The following GABRG3 variants were observed in gnomAD, a reference collection of about 807,000 sequenced individuals.
GABRG3 encodes gamma-aminobutyric acid receptor subunit gamma-3.
Under a neutral mutation model 48.8 loss-of-function variants are expected in GABRG3, and 25 were observed. The ratio of observed to expected loss-of-function variants is 0.51; its 90% CI spans 0.37 to 0.72. GABRG3 has a LOEUF of 0.72. Among genes scored for constraint, GABRG3 ranks in the 30% least tolerant of loss-of-function variants. GABRG3 has a pLI of 0.00. For synonymous variants in GABRG3, 227 were observed against 217.6 expected, an observed-to-expected ratio of 1.04 and a Z score of -0.38; for missense variants, 394 against 577.9, an observed-to-expected ratio of 0.68 and a Z score of 3.26.
intron 5 of GABRG3, among the ~76,000 whole-genome samples, chr15:27,381,418 G>A (rs955331739): frequency 6.6e-6 from 1 of 152,224 alleles, no homozygotes; most frequent in Non-Finnish European, 1.5e-5. Flanking sequence ...ATTCATGAAA[G>A]TAGGGGGACT....
chr15:27,405,806 T>C (rs1159396862), intron 5 of GABRG3, among the ~76,000 whole-genome samples: 2 of 149,890 alleles, frequency 1.3e-5, no homozygotes, highest in African/African-American at 5.0e-5. Context: ...GATTTTCTAA[T>C]AAAATAAACT....
At chr15:27,080,099 A>C (rs1180289163) in intron 3 of GABRG3, among the ~76,000 whole-genome samples, 2 of 152,042 alleles carry the variant, frequency 1.3e-5, no homozygotes, top group African/African-American at 4.8e-5. Context: ...CGTCCTCTCT[A>C]AGGTTGCCTC....
intron 5 of GABRG3, among the ~76,000 whole-genome samples, chr15:27,426,749 T>C (rs887544308): frequency 6.6e-6 from 1 of 152,214 alleles, no homozygotes; most frequent in African/African-American, 2.4e-5. Context: ...GGAGGATCAT[T>C]TGAGCCCAAG....
At chr15:27,361,857 C>T (rs1895034284) in intron 5 of GABRG3, among the ~76,000 whole-genome samples, 1 of 152,196 alleles carries the variant, frequency 6.6e-6, no homozygotes, top group South Asian at 2.1e-4. Context: ...GTAATTCCAA[C>T]ATTTCTGAAA....
At position 27,536,278 on chromosome 15, in the gene GABRG3, C is replaced by T. The variant is rs1339877641; in HGVS notation, c.*3397C>T. 1 of 152,170 alleles carries T rather than the reference C, an allele frequency of 6.6e-6. No individual in the cohort carries two copies. The highest frequency in any genetic ancestry group is 1.5e-5 in the Non-Finnish European group (1 of 68,056). 9.4% of individuals were successfully genotyped at this position (152,170 alleles called of 1,614,324 possible). A position where few individuals can be genotyped will look rare whatever the true frequency, so the allele number is the denominator to read the frequency against. Reference sequence around the variant, plus strand: ...AAAGTCCCAACACCACCTACCAGAACAGAGACTCCCTACATACCAGACAGA... The same window carrying T: ...AAAGTCCCAACACCACCTACCAGAATAGAGACTCCCTACATACCAGACAGA... On this transcript the variant is annotated 3_prime_UTR_variant, in exon 10 of 10. Coordinates refer to ENST00000615808, the MANE Select transcript of GABRG3 (RefSeq NM_033223.5).
intron 5 of GABRG3, among the ~76,000 whole-genome samples, chr15:27,431,442 C>A (rs996658608): frequency 6.6e-6 from 1 of 152,162 alleles, no homozygotes; most frequent in African/African-American, 2.4e-5. Context: ...TTAGGAATTT[C>A]TATATATGAT....
chr15:27,293,574 G>T (rs1159900274), intron 3 of GABRG3, among the ~76,000 whole-genome samples: 2 of 152,046 alleles, frequency 1.3e-5, no homozygotes, highest in African/African-American at 4.8e-5. Context: ...TACTTGGGAG[G>T]CTGAAGCAAG....
intron 3 of GABRG3, among the ~76,000 whole-genome samples, chr15:27,274,646 A>G (rs1891195627): frequency 6.6e-6 from 1 of 152,148 alleles, no homozygotes; most frequent in African/African-American, 2.4e-5. Flanking sequence ...GGTGGAGACC[A>G]ACAAACCATA....
At chr15:27,414,289 G>A (rs2140602866) in intron 5 of GABRG3, among the ~76,000 whole-genome samples, 1 of 152,132 alleles carries the variant, frequency 6.6e-6, no homozygotes, top group South Asian at 2.1e-4. Context: ...GGCTCTTCTT[G>A]CCGTCACCTG....
intron 3 of GABRG3, among the ~76,000 whole-genome samples, chr15:27,054,223 A>G (rs898028874): frequency 6.6e-6 from 1 of 151,900 alleles, no homozygotes; most frequent in Non-Finnish European, 1.5e-5. Context: ...TGGGCGAAAG[A>G]GCCAAACTCT....
chr15:27,011,728 G>T (rs1055821857), intron 2 of GABRG3, among the ~76,000 whole-genome samples: 2 of 151,692 alleles, frequency 1.3e-5, no homozygotes, highest in African/African-American at 4.8e-5. Flanking sequence ...GGCGCCTGTA[G>T]TCCCAGCTAC....
At chr15:27,114,266 G>T (rs1369493275) in intron 3 of GABRG3, among the ~76,000 whole-genome samples, 1 of 152,144 alleles carries the variant, frequency 6.6e-6, no homozygotes, top group Non-Finnish European at 1.5e-5. Flanking sequence ...TCCCCTGGGG[G>T]TACTGATTGC....
chr15:27,482,639 C>T (rs1307904316), intron 6 of GABRG3, among the ~76,000 whole-genome samples: 3 of 99,128 alleles, frequency 3.0e-5, no homozygotes, highest in African/African-American at 4.6e-5. Context: ...TACATAATCC[C>T]TTTTTTCCAA....
At chr15:27,386,283 T>C (rs1160221778) in intron 5 of GABRG3, among the ~76,000 whole-genome samples, 1 of 152,176 alleles carries the variant, frequency 6.6e-6, no homozygotes, top group Non-Finnish European at 1.5e-5. Context: ...TTTTTAAAAC[T>C]GAGGAAGTTA....
At chr15:27,350,217 G>A (rs138276599) in intron 5 of GABRG3, 8 of 455,320 alleles carry the variant, frequency 1.8e-5, no homozygotes, top group South Asian at 3.1e-5. Flanking sequence ...TCACCTCCTC[G>A]GAGACTCGCT....
chr15:27,156,016 G>A (rs1052200298), intron 3 of GABRG3, among the ~76,000 whole-genome samples: 10 of 152,002 alleles, frequency 6.6e-5, no homozygotes, highest in African/African-American at 2.4e-4. Context: ...GTATTCTGTC[G>A]TGGCCAGGCA....
intron 2 of GABRG3, among the ~76,000 whole-genome samples, chr15:27,023,705 CATTT>C (rs1457475619): frequency 2.0e-5 from 3 of 152,196 alleles, no homozygotes; most frequent in Non-Finnish European, 4.4e-5. Flanking sequence ...TAAATCCATT[CATTT>C]GTCGATGAGC....
At chr15:27,399,762 A>G (rs1887422782) in intron 5 of GABRG3, among the ~76,000 whole-genome samples, 1 of 152,156 alleles carries the variant, frequency 6.6e-6, no homozygotes, top group Non-Finnish European at 1.5e-5. Context: ...TCAATTTCCT[A>G]TCTCAAGACT....
chr15:27,026,350 G>C (rs1895982802), intron 2 of GABRG3, among the ~76,000 whole-genome samples: 1 of 152,180 alleles, frequency 6.6e-6, no homozygotes, highest in African/African-American at 2.4e-5. Flanking sequence ...CACTGACATT[G>C]CTCCTCTCTT....
Sources: allele counts gnomAD v4.1 joint callset (sites outside exome capture counted in the v4.1 genomes callset), GRCh38; gene constraint gnomAD v4.1.1; transcripts MANE v1.5; gene names NCBI Gene and HGNC (gene_info 2026-07-23, HGNC 2026-07-21).